BMERB1: variants seen among roughly 807,000 people sequenced by gnomAD.
BMERB1 encodes bMERB domain containing 1.
A neutral mutation model predicts 23.6 loss-of-function variants in BMERB1; 12 were observed. The observed-to-expected ratio is 0.51, with a 90% confidence interval of 0.33 to 0.82. The LOEUF is 0.82. Among genes scored for constraint, BMERB1 ranks in the 40% least tolerant of loss-of-function variants. BMERB1 has a pLI of 0.03. For missense variants in BMERB1, 247 were observed against 255.4 expected (o/e 0.97, Z 0.22); for synonymous variants, 122 against 96.6 (o/e 1.26, Z -1.54).
intron 1 of BMERB1, chr16:15,447,810 T>C (rs1251928589): frequency 8.8e-6 from 4 of 455,194 alleles, no homozygotes; most frequent in East Asian, 1.4e-4. Flanking sequence ...GCAGGACCAC[T>C]AGACTTTGGT....
chr16:15,492,134 A>G (rs189704324), intron 1 of BMERB1, among the ~76,000 whole-genome samples: 2 of 152,330 alleles, frequency 1.3e-5, no homozygotes, highest in East Asian at 1.9e-4. Context: ...CAGAGAGAGT[A>G]AAAATCAGTG....
intron 1 of BMERB1, among the ~76,000 whole-genome samples, chr16:15,441,753 C>T (rs2050940960): frequency 6.6e-6 from 1 of 152,026 alleles, no homozygotes; most frequent in Admixed American, 6.6e-5. Flanking sequence ...CTCCTGGGCT[C>T]AAAAGCAATC....
chr16:15,500,468 A>G (rs1302479289), intron 1 of BMERB1, among the ~76,000 whole-genome samples: 1 of 152,136 alleles, frequency 6.6e-6, no homozygotes, highest in Admixed American at 6.5e-5. Context: ...TCATGAGAGC[A>G]GTTAAGAGGG....
intron 2 of BMERB1, among the ~76,000 whole-genome samples, chr16:15,530,903 CTTTTT>C (rs1220558728): frequency 9.2e-6 from 1 of 109,250 alleles, no homozygotes. Context: ...TTTCTTCTTT[CTTTTT>C]TTTTTTTTTT....
In BMERB1 at chr16:15,583,080, GTTTA is replaced by G. The variant is rs1325169939; in HGVS notation, c.420-72_420-69del. ...ACAAAGCCTGTTGCTTAACCTATTG[GTTTA>G]TTTCATTGGTTCCTTGATGCTTTCC... is the stretch of plus-strand genomic sequence containing the variant. On this transcript the variant is annotated intron_variant, in intron 4 of 5. Coordinates refer to ENST00000300006, the MANE Select transcript of BMERB1 (RefSeq NM_033201.3). 3.5e-6 allele frequency: 4 copies of G among 1,144,756 alleles called. No individual in the cohort carries two copies. In the South Asian group the frequency reaches 3.7e-5, roughly 11 times the overall value. The allele number at this position is 1,144,756 out of a possible 1,614,324, so 70.9% of individuals were successfully genotyped here.
intron 1 of BMERB1, among the ~76,000 whole-genome samples, chr16:15,475,957 G>T (rs984734804): frequency 1.3e-5 from 2 of 152,104 alleles, no homozygotes; most frequent in Admixed American, 6.5e-5. Context: ...TCATTCTCCA[G>T]CCCCTCTGAA....
chr16:15,502,752 T>G (rs1345031120), intron 1 of BMERB1, among the ~76,000 whole-genome samples: 3 of 152,122 alleles, frequency 2.0e-5, no homozygotes, highest in African/African-American at 7.2e-5. Context: ...AACTGGCTTC[T>G]TGACAAAAGG....
chr16:15,544,878 C>T (rs114390277), intron 2 of BMERB1, among the ~76,000 whole-genome samples: 2,144 of 152,338 alleles, frequency 0.014, 58 homozygotes, highest in African/African-American at 0.05. Flanking sequence ...AGAGAATTAC[C>T]TCCACTTCCT....
intron 1 of BMERB1, among the ~76,000 whole-genome samples, chr16:15,447,778 G>A (rs2051002562): frequency 6.6e-6 from 1 of 152,156 alleles, no homozygotes; most frequent in Admixed American, 6.5e-5. Context: ...TGGAGGAGTT[G>A]TGAGATAAAA....
chr16:15,493,261 A>G (rs1476310842), intron 1 of BMERB1, among the ~76,000 whole-genome samples: 1 of 152,016 alleles, frequency 6.6e-6, no homozygotes, highest in Non-Finnish European at 1.5e-5. Context: ...CTGAGGCAGG[A>G]GAATCGCTTG....
chr16:15,442,651 A>C (rs929643239), intron 1 of BMERB1, among the ~76,000 whole-genome samples: 4 of 152,188 alleles, frequency 2.6e-5, no homozygotes. Context: ...AGTTTTAGCT[A>C]TGAACTTGAG....
chr16:15,567,234 GT>G (rs2030596772), intron 2 of BMERB1, among the ~76,000 whole-genome samples: 1 of 128,084 alleles, frequency 7.8e-6, no homozygotes, highest in Admixed American at 7.7e-5. Flanking sequence ...AAATAAAAAT[GT>G]TTTTAAAAAA....
intron 2 of BMERB1, among the ~76,000 whole-genome samples, chr16:15,565,899 C>T (rs1032762163): frequency 6.6e-6 from 1 of 152,178 alleles, no homozygotes; most frequent in African/African-American, 2.4e-5. Context: ...GAATGTGAAC[C>T]TGTGTATCAC....
intron 2 of BMERB1, among the ~76,000 whole-genome samples, chr16:15,523,893 GGATT>G (rs2051880512): frequency 4.6e-5 from 7 of 152,170 alleles, no homozygotes. Flanking sequence ...AGAGAAGATG[GGATT>G]CACTGTGGTT....
At chr16:15,555,966 G>T (rs1285094407) in intron 2 of BMERB1, among the ~76,000 whole-genome samples, 1 of 152,164 alleles carries the variant, frequency 6.6e-6, no homozygotes, top group African/African-American at 2.4e-5. Flanking sequence ...GATCACCTGA[G>T]GTCAGGAGTT....
intron 1 of BMERB1, among the ~76,000 whole-genome samples, chr16:15,454,770 T>A (rs2051069540): frequency 6.9e-6 from 1 of 144,742 alleles, no homozygotes; most frequent in Non-Finnish European, 1.5e-5. Context: ...CCAGCCTGGA[T>A]GACAGAGTGA....
chr16:15,569,051 A>G (rs1045125796), intron 3 of BMERB1, among the ~76,000 whole-genome samples: 2 of 152,076 alleles, frequency 1.3e-5, no homozygotes, highest in Non-Finnish European at 2.9e-5. Context: ...CCCCATCTCT[A>G]GTAAAAATAT....
intron 1 of BMERB1, among the ~76,000 whole-genome samples, chr16:15,453,638 G>A (rs771862425): frequency 4.6e-5 from 7 of 152,052 alleles, no homozygotes; most frequent in Non-Finnish European, 8.8e-5. Flanking sequence ...TTGGGAGGCC[G>A]AGGCGGGCAG....
intron 2 of BMERB1, among the ~76,000 whole-genome samples, chr16:15,542,686 A>G (rs1280344792): frequency 6.7e-6 from 1 of 150,342 alleles, no homozygotes; most frequent in African/African-American, 2.5e-5. Flanking sequence ...AGATACATAA[A>G]AAAGATATTA....
Sources: allele counts gnomAD v4.1 joint callset (sites outside exome capture counted in the v4.1 genomes callset), GRCh38; gene constraint gnomAD v4.1.1; transcripts MANE v1.5; gene names NCBI Gene and HGNC (gene_info 2026-07-23, HGNC 2026-07-21).